Variants in NUP98 observed in about 807,000 individuals in gnomAD.
The protein encoded by NUP98 is nuclear pore complex protein Nup98-Nup96.
In NUP98, 26 loss-of-function variants were observed where a neutral mutation model predicts 191.9. The observed-to-expected ratio is 0.14, with a 90% CI of 0.10 to 0.19. NUP98 has a LOEUF of 0.19. Among genes scored for constraint, NUP98 ranks in the 10% least tolerant of loss-of-function variants. The pLI is 1.00. For missense variants in NUP98, 1,941 were observed against 2,178.8 expected, an observed-to-expected ratio of 0.89 and a Z score of 2.17; for synonymous variants, 808 against 778.4, an observed-to-expected ratio of 1.04 and a Z score of -0.63.
At chr11:3,778,217 A>AAAAG (rs1564919126) in intron 4 of NUP98, among the ~76,000 whole-genome samples, 8 of 150,480 alleles carry the variant, frequency 5.3e-5, no homozygotes, top group South Asian at 2.1e-4. Flanking sequence ...AAAAAAAAAA[A>AAAAG]AAAGAAAGAA....
chr11:3,776,444 A>G (rs910427563), intron 4 of NUP98, among the ~76,000 whole-genome samples: 4 of 148,842 alleles, frequency 2.7e-5, no homozygotes, highest in Non-Finnish European at 4.5e-5. Flanking sequence ...GAAATTTTTC[A>G]CCTTTCAAGT....
Position 3,695,571 on chromosome 11 carries a change from C to T in NUP98, c.4045G>A (p.Val1349Met), listed in dbSNP as rs772366766. 5 of 1,601,286 alleles carry T rather than the reference C, an allele frequency of 3.1e-6. No individual in the cohort carries two copies. The South Asian group carries it at 5.6e-5, about 18-fold the overall frequency. ...AGCTCCCGGACTGACTGGCTACCCA[C>T]AAACTGAGATAAAAGAAGAGCAAGA... The part of the protein sequence containing the change: ...HRLALLLSQF[V>M]GSQSVRELLT... The change falls in exon 26 of 33, where the codon GTG (valine) becomes ATG (methionine). Residue 1349 changes from valine to methionine, a missense_variant. Around this residue, in one of 6 missense-constraint regions of NUP98, gnomAD observed 1,030 missense variants for 1,115.8 expected, o/e 0.92. Coordinates refer to ENST00000324932, the MANE Select transcript of NUP98 (RefSeq NM_016320.5).
At chr11:3,765,419 T>C (rs2081304678) in intron 8 of NUP98, among the ~76,000 whole-genome samples, 1 of 152,224 alleles carries the variant, frequency 6.6e-6, no homozygotes, top group African/African-American at 2.4e-5. Context: ...TTTTCTGCTT[T>C]TGCTTTTGGT....
At chr11:3,722,891 T>A (rs1190500209) in intron 16 of NUP98, among the ~76,000 whole-genome samples, 1 of 152,170 alleles carries the variant, frequency 6.6e-6, no homozygotes, top group Non-Finnish European at 1.5e-5. Flanking sequence ...CAGGATAGTC[T>A]CTTTGGCTAT....
At chr11:3,733,775 C>T (rs1375974283) in intron 13 of NUP98, among the ~76,000 whole-genome samples, 1 of 152,196 alleles carries the variant, frequency 6.6e-6, no homozygotes, top group Non-Finnish European at 1.5e-5. Flanking sequence ...ATACACTCTA[C>T]TGAACCAGTG....
intron 1 of NUP98, among the ~76,000 whole-genome samples, chr11:3,784,496 T>A (rs564126383): frequency 1.2e-3 from 177 of 150,698 alleles, no homozygotes; most frequent in Middle Eastern, 6.8e-3. Flanking sequence ...CATCTGTAGA[T>A]CCCAATGCTT....
chr11:3,768,182 G>T (rs1310348801), intron 8 of NUP98, among the ~76,000 whole-genome samples: 1 of 152,104 alleles, frequency 6.6e-6, no homozygotes, highest in Non-Finnish European at 1.5e-5. Flanking sequence ...AGCACTTTGG[G>T]AGGCCGAGGT....
Position 3,779,230 on chromosome 11 carries a change from C to G in NUP98, c.104G>C (p.Gly35Ala). The G allele has an allele frequency of 1.2e-6, 2 of 1,614,080 alleles. No individual in the cohort carries two copies. Among genetic ancestry groups the G allele is most frequent in the Non-Finnish European group, 1.7e-6 (2 of 1,179,986 alleles). The change falls in exon 3 of 33, where the codon GGG (glycine) becomes GCG (alanine). Residue 35 changes from glycine (G) to alanine (A), a missense_variant. Gly to Ala is a moderately conservative substitution (Grantham distance 60). Around this residue, in one of 6 missense-constraint regions of NUP98, gnomAD observed 154 missense variants for 182.9 expected, o/e 0.84. Transcript: ENST00000324932. ...QNTGFGTTSGGAFGTSAFGSS... is the reference protein window; with the variant it reads ...QNTGFGTTSGAAFGTSAFGSS... ...ACCAAATGCAGATGTTCCAAATGCCCCTCCACTAGTAGTGCCAAAGCCAGT... is the reference window on the plus strand; with the variant it reads ...ACCAAATGCAGATGTTCCAAATGCCGCTCCACTAGTAGTGCCAAAGCCAGT...
At chr11:3,790,932 G>A (rs1259456762) in intron 1 of NUP98, among the ~76,000 whole-genome samples, 4 of 147,138 alleles carry the variant, frequency 2.7e-5, no homozygotes, top group Admixed American at 1.4e-4. Flanking sequence ...GTCTGGCTCT[G>A]TTGCCCAGGC....
chr11:3,731,702 G>C (rs939736054), intron 13 of NUP98, 124 bp from the exon 14 acceptor site: 1 of 586,904 alleles, frequency 1.7e-6, no homozygotes, highest in Non-Finnish European at 2.8e-6. Flanking sequence ...ACCTGTTGAA[G>C]TCTCTGTTCC....
chr11:3,726,044 T>C lies in NUP98; in HGVS notation c.1731-825A>G, dbSNP rs1256029515. Among the ~76,000 whole-genome samples, 27 of 152,196 alleles carry C rather than the reference T, an allele frequency of 1.8e-4. 1 individual carries two copies. Among genetic ancestry groups the C allele is most frequent in the Admixed American group, 1.8e-3 (27 of 15,278 alleles). On this transcript the variant is annotated intron_variant, in intron 14 of 32. Transcript: ENST00000324932. ...CCCAGGCTGGTCTAACTTAGCCTAA[T>C]GTAAGAGCACTGTACTCATTCACTA...
chr11:3,771,998 C>A, intron 6 of NUP98, 70 bp from the exon 7 acceptor site: 1 of 1,323,688 alleles, frequency 7.6e-7, no homozygotes, highest in Non-Finnish European at 1.1e-6. Context: ...AGGCTAAATA[C>A]TTGAATTTAG....
At position 3,686,197 on chromosome 11, in the gene NUP98, G is replaced by A; in HGVS notation, c.4455-3C>T. 6.2e-7 allele frequency: 1 copy of A among 1,613,994 alleles called. No individual in the cohort carries two copies. The highest frequency in any genetic ancestry group is 8.5e-7 in the Non-Finnish European group (1 of 1,179,838). On this transcript the variant is annotated splice_region_variant and splice_polypyrimidine_tract_variant and intron_variant, in intron 28 of 32. Coordinates refer to ENST00000324932, the MANE Select transcript of NUP98 (RefSeq NM_016320.5). The stretch of plus-strand genomic sequence containing the variant: ...GCAGCTGGTTGAGATCATAATGTCT[G>A]CAAAGAACGTGTTGAGAGTCAACAT...
At chr11:3,715,693 C>T (rs534921627) in intron 18 of NUP98, among the ~76,000 whole-genome samples, 1 of 152,202 alleles carries the variant, frequency 6.6e-6, no homozygotes, top group South Asian at 2.1e-4. Context: ...CCAACCTGGC[C>T]AACATGGTGA....
chr11:3,720,992 G>GTGTGTC, intron 16 of NUP98, 167 bp from the exon 17 acceptor site: 2 of 480,974 alleles, frequency 4.2e-6, no homozygotes, highest in South Asian at 6.0e-5. Context: ...GTGTGTGTGT[G>GTGTGTC]TGTGTGTGTG....
chr11:3,707,750 A>AAAAAAAAAAAAAAAAAAAAAAAAAAC (rs2078904034), intron 20 of NUP98, among the ~76,000 whole-genome samples: 1 of 149,354 alleles, frequency 6.7e-6, no homozygotes, highest in Non-Finnish European at 1.5e-5. Context: ...AAAAAAAAAA[A>AAAAAAAAAAAAAAAAAAAAAAAAAAC]AAAATCCTGA....
intron 14 of NUP98, among the ~76,000 whole-genome samples, chr11:3,726,468 A>C (rs1589817532): frequency 1.3e-5 from 2 of 151,774 alleles, no homozygotes; most frequent in South Asian, 4.2e-4. Context: ...GAGAAGGCAC[A>C]ATAAAAGTCA....
intron 8 of NUP98, 21 bp downstream of exon 8, chr11:3,768,556 GGTAA>G (rs750667508): frequency 4.6e-6 from 7 of 1,509,730 alleles, no homozygotes; most frequent in Middle Eastern, 1.8e-4. Context: ...AAGACATGGA[GGTAA>G]GTAAGGGTCT....
At position 3,784,208 on chromosome 11, in the gene NUP98, C is replaced by T. The variant is rs1248507241; in HGVS notation, c.-28-2063G>A. Among the ~76,000 whole-genome samples, 3 of 152,264 alleles carry T rather than the reference C, an allele frequency of 2.0e-5. No individual in the cohort carries two copies. The East Asian group carries it at 5.8e-4, about 29-fold the overall frequency. On this transcript the variant is annotated intron_variant, in intron 1 of 32. Coordinates refer to ENST00000324932, the MANE Select transcript of NUP98 (RefSeq NM_016320.5). Reference sequence around the variant, plus strand: ...TGAGGTCTTCCCCAAATTCTAGTATCCCACTAACACTTCCAGTCATTCTAA... The same window carrying T: ...TGAGGTCTTCCCCAAATTCTAGTATTCCACTAACACTTCCAGTCATTCTAA...
Sources: allele counts gnomAD v4.1 joint callset (sites outside exome capture counted in the v4.1 genomes callset), GRCh38; gene constraint gnomAD v4.1.1; regional missense constraint gnomAD v4.1.1; transcripts MANE v1.5; gene names NCBI Gene and HGNC (gene_info 2026-07-23, HGNC 2026-07-21).